Variants in TLK1 observed in about 807,000 individuals in gnomAD.
TLK1 encodes the protein tousled like kinase 1, also known as serine/threonine-protein kinase tousled-like 1.
In TLK1, 24 loss-of-function variants were observed where a neutral mutation model predicts 105.3. The observed-to-expected ratio is 0.23, with a 90% CI of 0.17 to 0.32. The LOEUF (loss-of-function observed/expected upper bound fraction) is 0.32, where lower values mean the gene tolerates loss of function less well. TLK1 is among the 10% of genes least tolerant of loss of function. The probability of loss-of-function intolerance (pLI) is 1.00; values close to 1 mark genes in which losing one functional copy is unlikely to be tolerated. For synonymous variants in TLK1, 321 were observed against 310.4 expected (o/e 1.03, Z -0.36); for missense variants, 558 against 910.5 (o/e 0.61, Z 4.98).
intron 12 of TLK1, among the ~76,000 whole-genome samples, chr2:171,022,086 A>AACACACACACACACACAC (rs557803785): frequency 5.4e-4 from 56 of 103,098 alleles, no homozygotes; most frequent in African/African-American, 1.4e-3. Flanking sequence ...CTGGGCGAAA[A>AACACACACACACACACAC]ACACACACAC....
Position 171,053,741 on chromosome 2 carries a change from C to T in TLK1, c.732+20G>A. The T allele has an allele frequency of 1.9e-6, 3 of 1,555,700 alleles. No homozygotes were observed. Among genetic ancestry groups the T allele is most frequent in the South Asian group, 2.3e-5 (2 of 85,118 alleles). ...AAATAATTTATTCAATTTTTTTCCC[C>T]TCTATGACTCATTACTTACCCTGAG... On this transcript the variant is annotated intron_variant, in intron 8 of 20. Coordinates refer to ENST00000431350, the MANE Select transcript of TLK1 (RefSeq NM_012290.5).
At chr2:171,110,422 T>C (rs984754467) in intron 2 of TLK1, among the ~76,000 whole-genome samples, 8 of 152,344 alleles carry the variant, frequency 5.3e-5, no homozygotes, top group Admixed American at 2.0e-4. Context: ...TGAGCCAAGG[T>C]TGTGCCACTG....
rs150386651 is a variant in TLK1, at chr2:171,138,631, A to G, written c.140-20774T>C. Reference sequence around the variant, plus strand: ...AGTAATGAGCAGGAGTAACAAGTCCAAGATGAGATTTAAGACTGTTTTAAT... The same window carrying G: ...AGTAATGAGCAGGAGTAACAAGTCCGAGATGAGATTTAAGACTGTTTTAAT... On this transcript the variant is annotated intron_variant, in intron 1 of 20. Transcript: ENST00000431350. Among the ~76,000 whole-genome samples the G allele has an allele frequency of 3.3e-3, 499 of 152,340 alleles. 2 individuals carry two copies. Among genetic ancestry groups the G allele is most frequent in the African/African-American group, 0.011 (475 of 41,588 alleles).
At chr2:171,225,912 T>C (rs949679660) in intron 1 of TLK1, among the ~76,000 whole-genome samples, 1 of 152,224 alleles carries the variant, frequency 6.6e-6, no homozygotes, top group African/African-American at 2.4e-5. Context: ...GTGTGCTTAT[T>C]GTCATGGGCT....
rs982594495 is a variant in TLK1 at position 171,144,515 on chromosome 2, G to GA, written c.139+15774dup. Among the ~76,000 whole-genome samples, 44 of 151,536 alleles carry GA rather than the reference G, an allele frequency of 2.9e-4. No individual in the cohort carries two copies. In the South Asian group the frequency reaches 3.3e-3, roughly 11 times the overall value. On this transcript the variant is annotated intron_variant, in intron 1 of 20. Transcript: ENST00000431350. Reference sequence around the variant, plus strand: ...AGAATTAAATTAGAACTCAGTAACAGAAAAAAAATCGAGAAATTCACAAAT... The same window carrying GA: ...AGAATTAAATTAGAACTCAGTAACAGAAAAAAAAATCGAGAAATTCACAAAT...
intron 1 of TLK1, among the ~76,000 whole-genome samples, chr2:171,150,427 C>T (rs1320167355): frequency 3.3e-5 from 5 of 152,202 alleles, no homozygotes; most frequent in African/African-American, 4.8e-5. Context: ...CTCAGGAAAA[C>T]TACACCTCAT....
chr2:171,219,031 G>A (rs1006400464), intron 1 of TLK1, among the ~76,000 whole-genome samples: 3 of 152,090 alleles, frequency 2.0e-5, no homozygotes, highest in Non-Finnish European at 4.4e-5. Context: ...ATATGCCCAA[G>A]ATCACAATGA....
intron 2 of TLK1, among the ~76,000 whole-genome samples, chr2:171,095,707 A>G (rs1217422155): frequency 6.6e-6 from 1 of 152,204 alleles, no homozygotes; most frequent in African/African-American, 2.4e-5. Context: ...ATGATACACC[A>G]CATTAACAGA....
intron 18 of TLK1, among the ~76,000 whole-genome samples, chr2:171,000,376 C>CA (rs34800888): frequency 0.018 from 1,442 of 78,160 alleles, 34 homozygotes; most frequent in African/African-American, 0.038. Flanking sequence ...GAAACTCTGT[C>CA]AAAAAAAAAA....
intron 1 of TLK1, among the ~76,000 whole-genome samples, chr2:171,174,238 G>A (rs1190594796): frequency 6.6e-6 from 1 of 152,058 alleles, no homozygotes; most frequent in African/African-American, 2.4e-5. Flanking sequence ...GACCAAACAG[G>A]TTATACACTC....
At chr2:171,098,532 C>T (rs1476922725) in intron 2 of TLK1, among the ~76,000 whole-genome samples, 1 of 152,136 alleles carries the variant, frequency 6.6e-6, no homozygotes, top group Admixed American at 6.6e-5. Context: ...GATGGTTTCA[C>T]TGGTAAATTC....
chr2:171,104,957 G>C (rs1446638705), intron 2 of TLK1, among the ~76,000 whole-genome samples: 1 of 152,104 alleles, frequency 6.6e-6, no homozygotes, highest in Non-Finnish European at 1.5e-5. Flanking sequence ...TCCATAGGCA[G>C]AAAAATGAAA....
At chr2:171,122,350 C>T (rs1690688413) in intron 1 of TLK1, among the ~76,000 whole-genome samples, 1 of 152,164 alleles carries the variant, frequency 6.6e-6, no homozygotes, top group South Asian at 2.1e-4. Flanking sequence ...AATGTTAATC[C>T]TAAACAGTAG....
At chr2:171,151,123 G>A (rs1314871236) in intron 1 of TLK1, among the ~76,000 whole-genome samples, 1 of 151,764 alleles carries the variant, frequency 6.6e-6, no homozygotes, top group Non-Finnish European at 1.5e-5. Context: ...CTGGGCTCAG[G>A]CGATCCACCT....
chr2:171,042,710 G>GT (rs1446163227), intron 11 of TLK1, among the ~76,000 whole-genome samples: 2 of 149,214 alleles, frequency 1.3e-5, no homozygotes, highest in Non-Finnish European at 3.0e-5. Flanking sequence ...GGAGAAACTG[G>GT]TTAAAAAAAA....
intron 1 of TLK1, among the ~76,000 whole-genome samples, chr2:171,122,712 T>C (rs765916807): frequency 5.3e-5 from 8 of 152,022 alleles, no homozygotes; most frequent in Non-Finnish European, 8.8e-5. Flanking sequence ...AAACTTTTTA[T>C]TGACAAAATC....
intron 2 of TLK1, among the ~76,000 whole-genome samples, chr2:171,110,901 C>G (rs1212124494): frequency 1.3e-5 from 2 of 151,868 alleles, no homozygotes; most frequent in African/African-American, 4.8e-5. Flanking sequence ...GGAGAAAGTC[C>G]CATAACCGAA....
At chr2:171,156,980 A>AT (rs1692263478) in intron 1 of TLK1, among the ~76,000 whole-genome samples, 1 of 152,050 alleles carries the variant, frequency 6.6e-6, no homozygotes, top group Admixed American at 6.6e-5. Context: ...TAATTTTTCT[A>AT]TTTTTTGTAG....
chr2:171,221,234 GCTTTTCTTCTGGTAACGGTGGCCCA>G (rs1258872194), intron 1 of TLK1, among the ~76,000 whole-genome samples: 2 of 152,106 alleles, frequency 1.3e-5, no homozygotes, highest in Non-Finnish European at 2.9e-5. Context: ...CTGTCCATTT[GCTTTTCTTCTGGTAACGGTGGCCCA>G]CTTTTCATCT....
Sources: allele counts gnomAD v4.1 joint callset (sites outside exome capture counted in the v4.1 genomes callset), GRCh38; gene constraint gnomAD v4.1.1; transcripts MANE v1.5; gene names NCBI Gene and HGNC (gene_info 2026-07-23, HGNC 2026-07-21).